CCSER1: variants seen among roughly 807,000 people sequenced by gnomAD.
The protein encoded by CCSER1 is coiled-coil serine rich protein 1, also known as serine-rich coiled-coil domain-containing protein 1.
A neutral mutation model predicts 82.0 loss-of-function variants in CCSER1; 41 were observed. That is an observed-to-expected ratio of 0.50 (90% CI 0.39 to 0.65). The LOEUF is 0.65. CCSER1 is among the 30% of genes least tolerant of loss of function. The pLI is 0.00. For synonymous variants in CCSER1, 414 were observed against 383.9 expected, an observed-to-expected ratio of 1.08 and a Z score of -0.92; for missense variants, 1,119 against 1,064.2, an observed-to-expected ratio of 1.05 and a Z score of -0.72.
intron 5 of CCSER1, among the ~76,000 whole-genome samples, chr4:90,489,708 T>C (rs1050682645): frequency 6.6e-6 from 1 of 152,116 alleles, no homozygotes; most frequent in Non-Finnish European, 1.5e-5. Context: ...TGTGTGATGT[T>C]CCCCTTCCTG....
chr4:91,377,991 A>G (rs1266983515), intron 10 of CCSER1, among the ~76,000 whole-genome samples: 1 of 152,224 alleles, frequency 6.6e-6, no homozygotes, highest in African/African-American at 2.4e-5. Flanking sequence ...TCCAAGCACC[A>G]TTTATTAAAT....
At chr4:91,519,675 G>A (rs1466746686) in intron 10 of CCSER1, among the ~76,000 whole-genome samples, 1 of 152,170 alleles carries the variant, frequency 6.6e-6, no homozygotes, top group Non-Finnish European at 1.5e-5. Context: ...AGAAATGTGG[G>A]TCCTTGGCAT....
chr4:91,276,835 A>G (rs992491136), intron 10 of CCSER1, among the ~76,000 whole-genome samples: 4 of 151,486 alleles, frequency 2.6e-5, no homozygotes, highest in Admixed American at 2.0e-4. Flanking sequence ...TATGCCTATA[A>G]GGCAGTTTTT....
At chr4:90,568,016 G>A (rs1011094498) in intron 5 of CCSER1, among the ~76,000 whole-genome samples, 1 of 152,024 alleles carries the variant, frequency 6.6e-6, no homozygotes, top group South Asian at 2.1e-4. Context: ...AGTTTCTTCC[G>A]TTATTTCTAA....
intron 6 of CCSER1, among the ~76,000 whole-genome samples, chr4:90,674,602 AAT>A (rs1733474505): frequency 6.6e-6 from 1 of 151,892 alleles, no homozygotes; most frequent in African/African-American, 2.4e-5. Context: ...GACCTTTAAA[AAT>A]ATATATACAT....
chr4:90,693,913 G>T (rs11942399), intron 6 of CCSER1, among the ~76,000 whole-genome samples: 1 of 114,554 alleles, frequency 8.7e-6, no homozygotes, highest in African/African-American at 2.6e-5. Context: ...AGAAGAAAGA[G>T]GAGGAGAGAG....
Position 90,920,554 on chromosome 4 carries a change from T to C in CCSER1, c.2095-2816T>C, listed in dbSNP as rs146686564. Reference sequence around the variant, plus strand: ...CCATATCACTCAGTTCCACTTCAAATTGGCTAATAGTAATTCATTTTTCTG... The same window carrying C: ...CCATATCACTCAGTTCCACTTCAAACTGGCTAATAGTAATTCATTTTTCTG... On this transcript the variant is annotated intron_variant, in intron 8 of 10. Transcript: ENST00000509176. Among the ~76,000 whole-genome samples, 343 of 152,070 alleles carry C rather than the reference T, an allele frequency of 2.3e-3. 2 individuals carry two copies. The highest frequency in any genetic ancestry group is 0.015 in the Admixed American group (223 of 15,234).
chr4:90,238,551 A>G (rs1746230900), intron 1 of CCSER1, among the ~76,000 whole-genome samples: 1 of 152,136 alleles, frequency 6.6e-6, no homozygotes, highest in Admixed American at 6.5e-5. Context: ...TTAACCCTAA[A>G]CTGTTTTCTA....
At chr4:90,151,955 TA>T (rs1239383140) in intron 1 of CCSER1, among the ~76,000 whole-genome samples, 1 of 152,032 alleles carries the variant, frequency 6.6e-6, no homozygotes, top group African/African-American at 2.4e-5. Context: ...AAAGTGAATA[TA>T]AAAAAAGAAG....
chr4:90,699,535 G>A (rs896180843), intron 6 of CCSER1, among the ~76,000 whole-genome samples: 1 of 152,236 alleles, frequency 6.6e-6, no homozygotes, highest in African/African-American at 2.4e-5. Context: ...TATATTGTGG[G>A]GGAGGTTCTG....
chr4:90,814,975 C>G (rs1758809368), intron 7 of CCSER1, among the ~76,000 whole-genome samples: 1 of 152,148 alleles, frequency 6.6e-6, no homozygotes, highest in Non-Finnish European at 1.5e-5. Context: ...TATAGCAGTG[C>G]CCCACTCCAA....
intron 4 of CCSER1, among the ~76,000 whole-genome samples, chr4:90,455,560 C>A (rs956179515): frequency 2.0e-5 from 3 of 152,072 alleles, no homozygotes; most frequent in Admixed American, 2.0e-4. Context: ...TTTCTCTTTC[C>A]AGCAAATACC....
At chr4:90,172,178 C>T (rs1040820099) in intron 1 of CCSER1, among the ~76,000 whole-genome samples, 1 of 151,876 alleles carries the variant, frequency 6.6e-6, no homozygotes, top group Non-Finnish European at 1.5e-5. Flanking sequence ...GTGATGATGA[C>T]TTCCATTGTG....
At chr4:90,844,833 A>G (rs1763004120) in intron 8 of CCSER1, among the ~76,000 whole-genome samples, 1 of 152,186 alleles carries the variant, frequency 6.6e-6, no homozygotes, top group South Asian at 2.1e-4. Flanking sequence ...ACATATTTGT[A>G]GTTGCTAGAC....
intron 10 of CCSER1, among the ~76,000 whole-genome samples, chr4:91,332,963 G>T (rs1383762800): frequency 6.6e-6 from 1 of 151,956 alleles, no homozygotes; most frequent in African/African-American, 2.4e-5. Context: ...TGTCTCACAT[G>T]CAACTTCAGT....
At chr4:90,933,575 G>C (rs10034127) in intron 9 of CCSER1, among the ~76,000 whole-genome samples, 63,526 of 151,490 alleles carry the variant, frequency 0.42, 13,746 homozygotes, top group African/African-American at 0.53. Context: ...AGGAGTATCA[G>C]TAATATGACA....
At chr4:90,891,444 T>C (rs754495954) in intron 8 of CCSER1, among the ~76,000 whole-genome samples, 245 of 151,646 alleles carry the variant, frequency 1.6e-3, no homozygotes, top group Non-Finnish European at 2.5e-3. Flanking sequence ...ACATATCTAA[T>C]TTTTAAATTA....
intron 6 of CCSER1, among the ~76,000 whole-genome samples, chr4:90,655,226 A>G (rs1729492833): frequency 6.6e-6 from 1 of 152,018 alleles, no homozygotes; most frequent in African/African-American, 2.4e-5. Context: ...TCTGAGTTAT[A>G]TATAATCATA....
At chr4:91,030,242 G>T (rs1032698835) in intron 9 of CCSER1, among the ~76,000 whole-genome samples, 3 of 151,952 alleles carry the variant, frequency 2.0e-5, no homozygotes, top group Admixed American at 2.0e-4. Context: ...AACCAAAGAT[G>T]AAAAATGTAA....
Sources: gnomAD v4.1 joint callset for allele counts (sites outside exome capture counted in the v4.1 genomes callset) on GRCh38, gnomAD v4.1.1 for gene constraint, MANE v1.5 for transcripts, NCBI Gene and HGNC (gene_info 2026-07-23, HGNC 2026-07-21) for gene names.